IL1RAPL1: variants seen among roughly 807,000 people sequenced by gnomAD.
IL1RAPL1 encodes interleukin-1 receptor accessory protein-like 1.
A neutral mutation model predicts 48.4 loss-of-function variants in IL1RAPL1; 3 were observed. The ratio of observed to expected loss-of-function variants is 0.06; its 90% CI spans 0.03 to 0.16. The LOEUF (loss-of-function observed/expected upper bound fraction) is 0.16. IL1RAPL1 is among the 10% of genes least tolerant of loss of function. IL1RAPL1 has a pLI of 1.00. For synonymous variants in IL1RAPL1, 185 were observed against 187.7 expected (o/e 0.99, Z 0.12); for missense variants, 349 against 530.6 (o/e 0.66, Z 3.36).
intron 2 of IL1RAPL1, among the ~76,000 whole-genome samples, chrX:28,835,411 A>C (rs772539572): frequency 1.1e-4 from 12 of 111,559 alleles, no homozygotes; most frequent in Non-Finnish European, 2.3e-4. Flanking sequence ...ATGCAAGGAA[A>C]GAATGGCACT....
At chrX:29,806,903 ACCTCC>A (rs1353265546) in intron 6 of IL1RAPL1, among the ~76,000 whole-genome samples, 8 of 109,715 alleles carry the variant, frequency 7.3e-5, no homozygotes, top group Middle Eastern at 4.7e-3. Context: ...AGTGTGTGGC[ACCTCC>A]TCCTGCACTT....
intron 5 of IL1RAPL1, among the ~76,000 whole-genome samples, chrX:29,505,375 T>C (rs944419373): frequency 1.2e-4 from 13 of 110,773 alleles, no homozygotes; most frequent in African/African-American, 4.0e-4. Flanking sequence ...TCTTTTTGCA[T>C]GTTAGTTTTT....
chrX:29,184,564 G>A lies in IL1RAPL1; in HGVS notation c.83-98374G>A, dbSNP rs984614887. ...CGCCCAGGCTGGAGCACAGAGGCTT[G>A]ATCTGGGCTCACTGCAACCTCTGCC... On this transcript the variant is annotated intron_variant, in intron 2 of 10. Coordinates refer to ENST00000378993, the MANE Select transcript of IL1RAPL1 (RefSeq NM_014271.4). Among the ~76,000 whole-genome samples, 74 of 111,179 alleles carry A rather than the reference G, an allele frequency of 6.7e-4. 1 individual carries two copies. The highest frequency in any genetic ancestry group is 2.1e-3 in the African/African-American group (64 of 30,608).
intron 6 of IL1RAPL1, among the ~76,000 whole-genome samples, chrX:29,723,195 C>A (rs1485856943): frequency 7.1e-5 from 8 of 112,036 alleles, no homozygotes; most frequent in Non-Finnish European, 1.5e-4. Context: ...ACAGTATTTC[C>A]TTTGATAATG....
At chrX:28,705,275 G>T (rs983942563) in intron 1 of IL1RAPL1, among the ~76,000 whole-genome samples, 1 of 111,319 alleles carries the variant, frequency 9.0e-6, no homozygotes, top group Non-Finnish European at 1.9e-5. Flanking sequence ...CACAGTGCCT[G>T]GGACAAATGT....
intron 2 of IL1RAPL1, among the ~76,000 whole-genome samples, chrX:28,823,026 T>G (rs1019254420): frequency 9.0e-6 from 1 of 110,930 alleles, no homozygotes; most frequent in African/African-American, 3.3e-5. Context: ...AGAGTGAGAG[T>G]GATCAAGAAC....
At chrX:28,864,759 T>G (rs1922035424) in intron 2 of IL1RAPL1, among the ~76,000 whole-genome samples, 1 of 111,519 alleles carries the variant, frequency 9.0e-6, no homozygotes, top group Non-Finnish European at 1.9e-5. Context: ...AGTGATCATT[T>G]AGGGCCTCGT....
Position 29,955,712 on chromosome X carries a change from G to A in IL1RAPL1, c.1983G>A (p.Arg661=). Residue 661 remains arginine (R), a synonymous_variant, in exon 11 of 11, where the codon CGG becomes CGA. Coordinates refer to ENST00000378993, the MANE Select transcript of IL1RAPL1 (RefSeq NM_014271.4). ...NIPMTLINGQ[R]PQTKSSREQN... is the part of the protein sequence containing the mutation. ...CTATGACACTCATCAACGGGCAGCG[G>A]CCACAGACAAAATCGAGCAGGGAGC... 1.7e-6 allele frequency: 2 copies of A among 1,211,640 alleles called. No homozygotes were observed. Among genetic ancestry groups the A allele is most frequent in the Non-Finnish European group, 2.2e-6 (2 of 895,382 alleles).
chrX:29,622,045 C>T (rs757144586), intron 5 of IL1RAPL1, among the ~76,000 whole-genome samples: 1 of 112,298 alleles, frequency 8.9e-6, no homozygotes, highest in African/African-American at 3.2e-5. Context: ...TTTCACTTAA[C>T]ATATTGACCT....
chrX:28,928,767 A>G (rs1254650241), intron 2 of IL1RAPL1, among the ~76,000 whole-genome samples: 3 of 112,001 alleles, frequency 2.7e-5, no homozygotes, highest in Middle Eastern at 4.2e-3. Flanking sequence ...TGTGGAACTT[A>G]TGCTCTCTAA....
At chrX:29,142,485 A>G (rs1250832657) in intron 2 of IL1RAPL1, among the ~76,000 whole-genome samples, 1 of 111,991 alleles carries the variant, frequency 8.9e-6, no homozygotes, top group Admixed American at 9.5e-5. Context: ...TGAATCAGAA[A>G]AGAACCCTAG....
intron 1 of IL1RAPL1, among the ~76,000 whole-genome samples, chrX:28,603,300 T>C (rs902358240): frequency 2.7e-5 from 3 of 111,762 alleles, no homozygotes; most frequent in African/African-American, 6.5e-5. Flanking sequence ...CCAAGGATTA[T>C]GTGGCTTGCG....
intron 2 of IL1RAPL1, among the ~76,000 whole-genome samples, chrX:29,095,696 C>T (rs181557780): frequency 2.6e-4 from 29 of 110,323 alleles, no homozygotes; most frequent in African/African-American, 9.5e-4. Flanking sequence ...AATAATGGTA[C>T]CTTTTCAAAA....
intron 5 of IL1RAPL1, among the ~76,000 whole-genome samples, chrX:29,626,967 TATTAAAAGG>T (rs2147077368): frequency 8.9e-6 from 1 of 112,445 alleles, no homozygotes; most frequent in East Asian, 2.8e-4. Flanking sequence ...GATGGTAAAT[TATTAAAAGG>T]AATTAATTAC....
chrX:28,817,778 C>T (rs190279246), intron 2 of IL1RAPL1, among the ~76,000 whole-genome samples: 1 of 110,936 alleles, frequency 9.0e-6, no homozygotes, highest in African/African-American at 3.3e-5. Flanking sequence ...TCTTACCAGG[C>T]AGGTTCTGCT....
At chrX:29,337,358 A>G (rs1292950244) in intron 3 of IL1RAPL1, among the ~76,000 whole-genome samples, 1 of 112,124 alleles carries the variant, frequency 8.9e-6, no homozygotes, top group Admixed American at 9.5e-5. Context: ...AGCATTGTCT[A>G]AGAGATAAAA....
chrX:29,783,005 C>T (rs970485996), intron 6 of IL1RAPL1, among the ~76,000 whole-genome samples: 4 of 97,525 alleles, frequency 4.1e-5, no homozygotes, highest in South Asian at 5.2e-4. Flanking sequence ...CCCGGGTTCA[C>T]GCCATTCTCC....
intron 1 of IL1RAPL1, among the ~76,000 whole-genome samples, chrX:28,653,180 T>A (rs1934705776): frequency 8.9e-6 from 1 of 111,921 alleles, no homozygotes; most frequent in Non-Finnish European, 1.9e-5. Flanking sequence ...CTTTTTTTCT[T>A]TAAAGCTTTC....
chrX:28,603,309 C>T (rs1040533488), intron 1 of IL1RAPL1, among the ~76,000 whole-genome samples: 17 of 111,444 alleles, frequency 1.5e-4, no homozygotes, highest in Non-Finnish European at 3.0e-4. Flanking sequence ...ATGTGGCTTG[C>T]GGAAATACTG....
Sources: gnomAD v4.1 joint callset for allele counts (sites outside exome capture counted in the v4.1 genomes callset) on GRCh38, gnomAD v4.1.1 for gene constraint, MANE v1.5 for transcripts, NCBI Gene and HGNC (gene_info 2026-07-23, HGNC 2026-07-21) for gene names.